Variants in DNAH1 observed in about 807,000 individuals in gnomAD.
DNAH1 encodes the protein axonemal beta dynein heavy chain 1.
In DNAH1, 327 loss-of-function variants were observed where a neutral mutation model predicts 484.3. The observed-to-expected ratio is 0.68, with a 90% CI of 0.62 to 0.74. The LOEUF (loss-of-function observed/expected upper bound fraction) is 0.74. Among genes scored for constraint, DNAH1 ranks in the 30% least tolerant of loss-of-function variants. The probability of loss-of-function intolerance (pLI) is 0.00; values close to 1 mark genes in which losing one functional copy is unlikely to be tolerated. For missense variants in DNAH1, 5,052 were observed against 5,546.8 expected (o/e 0.91, Z 2.83); for synonymous variants, 2,192 against 2,191.9 (o/e 1.00, Z 0.00).
rs1702910606 is a variant in DNAH1 at position 52,362,600 on chromosome 3, A to C, written c.5094+99A>C. The stretch of plus-strand genomic sequence containing the variant: ...GCAAGGACACAGTTGCTTGGACTCC[A>C]GGGACTGTGATTCCCTATGGTAGCC... On this transcript the variant is annotated intron_variant, in intron 31 of 77. Transcript: ENST00000420323. This position sits in a 1 kb window ranked among gnomAD's most constrained non-coding sequence, Gnocchi z 5.1. 9.2e-7 allele frequency: 1 copy of C among 1,081,520 alleles called. No homozygotes were observed. Among genetic ancestry groups the C allele is most frequent in the African/African-American group, 1.6e-5 (1 of 64,186 alleles). The allele number at this position is 1,081,520 out of a possible 1,614,324, so 67.0% of individuals were successfully genotyped here. A position where few individuals can be genotyped will look rare whatever the true frequency, so the allele number is the denominator to read the frequency against.
intron 2 of DNAH1, among the ~76,000 whole-genome samples, chr3:52,323,000 A>C (rs1441664352): frequency 6.6e-6 from 1 of 152,112 alleles, no homozygotes; most frequent in Admixed American, 6.5e-5. Flanking sequence ...ACAACTCATT[A>C]CTGAGCTCCT....
At chr3:52,377,907 C>T (rs1297334756) in intron 46 of DNAH1, among the ~76,000 whole-genome samples, 4 of 152,114 alleles carry the variant, frequency 2.6e-5, no homozygotes, top group Non-Finnish European at 5.9e-5. Context: ...CACTCATTGT[C>T]GTCCTTACCA....
At chr3:52,335,569 A>G (rs1371592865) in intron 8 of DNAH1, among the ~76,000 whole-genome samples, 1 of 151,986 alleles carries the variant, frequency 6.6e-6, no homozygotes, top group Non-Finnish European at 1.5e-5. Flanking sequence ...TCGGCCTCCC[A>G]AAGTGCTGGG....
At position 52,344,581 on chromosome 3, in the gene DNAH1, T is replaced by G; in HGVS notation, c.1378T>G (p.Ser460Ala). The stretch of plus-strand genomic sequence containing the variant: ...GATCAACTTTGACCACGTTGTCTCT[T>G]CCAAGCCCGAGACCTTCTCCTACGT... The part of the protein sequence containing the change: ...NKINFDHVVS[S>A]KPETFSYVTL... The change falls in exon 9 of 78, where the codon TCC (serine) becomes GCC (alanine). Residue 460 changes from serine to alanine, a missense_variant. Physicochemically the swap from Ser to Ala is moderately conservative, Grantham distance 99. Coordinates refer to ENST00000420323, the MANE Select transcript of DNAH1 (RefSeq NM_015512.5). 6.2e-7 allele frequency: 1 copy of G among 1,613,926 alleles called. No individual in the cohort carries two copies. Among genetic ancestry groups the G allele is most frequent in the Non-Finnish European group, 8.5e-7 (1 of 1,179,842 alleles).
At chr3:52,327,345 C>T (rs928877677) in intron 5 of DNAH1, among the ~76,000 whole-genome samples, 1 of 152,122 alleles carries the variant, frequency 6.6e-6, no homozygotes, top group Non-Finnish European at 1.5e-5. Context: ...GGGAGCATGG[C>T]CTGGCTCTGG....
chr3:52,334,724 C>T (rs911295282), intron 8 of DNAH1, among the ~76,000 whole-genome samples: 2 of 152,102 alleles, frequency 1.3e-5, no homozygotes, highest in Non-Finnish European at 2.9e-5. Flanking sequence ...ACCTGGGAGG[C>T]AGAGGTTGCA....
Position 52,332,387 on chromosome 3 carries a change from G to A in DNAH1, c.1279G>A (p.Gly427Ser). 2.5e-6 allele frequency: 4 copies of A among 1,612,680 alleles called. No homozygotes were observed. Among genetic ancestry groups the A allele is most frequent in the Non-Finnish European group, 3.4e-6 (4 of 1,179,518 alleles). Residue 427 changes from glycine (G) to serine (S), a missense_variant, in exon 8 of 78, where the codon GGC becomes AGC. Transcript: ENST00000420323. ...CCTGAGCACGCCTCGGATGCGCAAA[G>A]GCCCCTCGTGAGTCCCCGCTCGGCC... ...WALSTPRMRK[G>S]PSVLEHLSSL... is the part of the protein sequence containing the mutation.
At position 52,374,432 on chromosome 3, in the gene DNAH1, A is replaced by C. The variant is rs1280648754; in HGVS notation, c.6986-808A>C. The C allele has an allele frequency of 6.0e-6, 8 of 1,330,790 alleles. No individual in the cohort carries two copies. In the African/African-American group the frequency reaches 8.7e-5, roughly 14 times the overall value. 82.4% of individuals were successfully genotyped at this position (1,330,790 alleles called of 1,614,324 possible). Reference sequence around the variant, plus strand: ...AACCAGTGGTGATGACACTTCTCAAATGCTGGCCAAAGACTCACAGTCCAA... The same window carrying C: ...AACCAGTGGTGATGACACTTCTCAACTGCTGGCCAAAGACTCACAGTCCAA... On this transcript the variant is annotated intron_variant, in intron 44 of 77. Transcript: ENST00000420323.
rs148066970 is a variant in DNAH1, at chr3:52,375,767, A to G, written c.7160-188A>G. 3.7e-3 allele frequency among the ~76,000 whole-genome samples: 569 copies of G among 152,228 alleles called. 4 individuals are homozygous for G. Among genetic ancestry groups the G allele is most frequent in the South Asian group, 0.023 (110 of 4,818 alleles). ...TAGTACTTGCCCAGAAACTCTGGGGAAGGCATGTTACTTTTGTAAATCAGG... is the reference window on the plus strand; with the variant it reads ...TAGTACTTGCCCAGAAACTCTGGGGGAGGCATGTTACTTTTGTAAATCAGG... On this transcript the variant is annotated intron_variant, in intron 45 of 77. Coordinates refer to ENST00000420323, the MANE Select transcript of DNAH1 (RefSeq NM_015512.5).
chr3:52,389,597 C>T lies in DNAH1; in HGVS notation c.9621+11C>T, dbSNP rs1236425627. On this transcript the variant is annotated intron_variant, in intron 60 of 77. Transcript: ENST00000420323. ...ATCCGATCGTGGCAGGTGCCCACCC[C>T]AGGGGCAGGAGTGCCCAGGCAGGGC... The T allele has an allele frequency of 2.1e-6, 3 of 1,457,558 alleles. No homozygotes were observed. Among genetic ancestry groups the T allele is most frequent in the African/African-American group, 1.5e-5 (1 of 67,824 alleles). The allele number at this position is 1,457,558 out of a possible 1,614,324, so 90.3% of individuals were successfully genotyped here. A position where few individuals can be genotyped will look rare whatever the true frequency, so the allele number is the denominator to read the frequency against.
chr3:52,319,065 A>C (rs192739848), intron 1 of DNAH1, among the ~76,000 whole-genome samples: 1 of 152,056 alleles, frequency 6.6e-6, no homozygotes, highest in Non-Finnish European at 1.5e-5. Context: ...AGAAGTGAAG[A>C]CCTCAGTTTC....
chr3:52,395,400 C>T lies in DNAH1; in HGVS notation c.11061C>T (p.Leu3687=). ...LSPGTDPAAD[L]YKFAEEMKFS... ...CCGGCACAGACCCTGCTGCCGACCTCTACAAGTTTGCCGAAGAAATGAAGT... is the reference window on the plus strand; with the variant it reads ...CCGGCACAGACCCTGCTGCCGACCTTTACAAGTTTGCCGAAGAAATGAAGT... The change falls in exon 69 of 78, where the codon CTC becomes CTT. Residue 3687 remains leucine, a synonymous_variant. Coordinates refer to ENST00000420323, the MANE Select transcript of DNAH1 (RefSeq NM_015512.5). This position sits in a 1 kb window ranked among gnomAD's most constrained non-coding sequence, Gnocchi z 4.4. 6.2e-7 allele frequency: 1 copy of T among 1,613,940 alleles called. No individual in the cohort carries two copies. Among genetic ancestry groups the T allele is most frequent in the Non-Finnish European group, 8.5e-7 (1 of 1,179,896 alleles).
rs550276381 is a variant in DNAH1 at position 52,372,827 on chromosome 3, C to G, written c.6828-69C>G. 1.8e-5 allele frequency: 28 copies of G among 1,537,322 alleles called. No individual in the cohort carries two copies. The African/African-American group carries it at 2.3e-4, about 13-fold the overall frequency. On this transcript the variant is annotated intron_variant, in intron 43 of 77. Coordinates refer to ENST00000420323, the MANE Select transcript of DNAH1 (RefSeq NM_015512.5). ...GCTTCCCAGAGGCAAAGCTGCCACCCGTTCGCCCCTGGATTCTCAGAGGAC... is the reference window on the plus strand; with the variant it reads ...GCTTCCCAGAGGCAAAGCTGCCACCGGTTCGCCCCTGGATTCTCAGAGGAC...
chr3:52,352,016 G>A lies in DNAH1; in HGVS notation c.2784G>A (p.Gln928=), dbSNP rs1040632981. 8.1e-6 allele frequency: 13 copies of A among 1,599,654 alleles called. No homozygotes were observed. Among genetic ancestry groups the A allele is most frequent in the South Asian group, 1.1e-5 (1 of 88,042 alleles). Residue 928 remains glutamine, a synonymous_variant, in exon 17 of 78, where the codon CAG becomes CAA. Coordinates refer to ENST00000420323, the MANE Select transcript of DNAH1 (RefSeq NM_015512.5). ...SKILGQIELV[Q]QQHVEDEEKF... ...TCCTTGGGCAGATAGAGCTGGTGCAGCAGCAGCATGTGGAGGATGAGGAGA... is the reference window on the plus strand; with the variant it reads ...TCCTTGGGCAGATAGAGCTGGTGCAACAGCAGCATGTGGAGGATGAGGAGA...
chr3:52,379,813 G>A lies in DNAH1; in HGVS notation c.7378-92G>A, dbSNP rs574915283. ...AGCCAGGCTCCAGTCAGGGCCCCAG[G>A]AACTGGGGCCCACCCTCCCTTGCCT... is the stretch of plus-strand genomic sequence containing the variant. On this transcript the variant is annotated intron_variant, in intron 47 of 77. Coordinates refer to ENST00000420323, the MANE Select transcript of DNAH1 (RefSeq NM_015512.5). This position sits in a 1 kb window ranked among gnomAD's most constrained non-coding sequence, Gnocchi z 4.4. 6.9e-6 allele frequency: 8 copies of A among 1,151,218 alleles called. No homozygotes were observed. The highest frequency in any genetic ancestry group is 1.6e-5 in the South Asian group (1 of 63,120). 71.3% of individuals were successfully genotyped at this position (1,151,218 alleles called of 1,614,324 possible).
In DNAH1 at chr3:52,398,156, T is replaced by A. The variant is rs1460497944; in HGVS notation, c.12083T>A (p.Val4028Asp). ...ATGAACACAGTACTAGTACAAGAGG[T>A]CATTAGGTAATCACCCCGCCATACC... ...ESMNTVLVQE[V>D]IRYNRLLQVI... Residue 4028 changes from valine (V) to aspartate (D), a missense_variant, in exon 75 of 78, where the codon GTC becomes GAC. Physicochemically the swap from Val to Asp is radical, Grantham distance 152. Around this residue, in one of 4 missense-constraint regions of DNAH1, gnomAD observed 853 missense variants for 899.0 expected, o/e 0.95. Coordinates refer to ENST00000420323, the MANE Select transcript of DNAH1 (RefSeq NM_015512.5). 1 of 1,596,770 alleles carries A rather than the reference T, an allele frequency of 6.3e-7. No homozygotes were observed. Among genetic ancestry groups the A allele is most frequent in the South Asian group, 1.1e-5 (1 of 88,396 alleles).
At chr3:52,312,340 A>C (rs972214025), upstream of DNAH1, among the ~76,000 whole-genome samples, 1 of 152,030 alleles carries the variant, frequency 6.6e-6, no homozygotes, top group Admixed American at 6.6e-5. Context: ...TCAGGGCCGC[A>C]TCTGTTGGAC....
At chr3:52,372,514 C>T in intron 43 of DNAH1, 127 bp downstream of exon 43, 2 of 1,298,250 alleles carry the variant, frequency 1.5e-6, no homozygotes, top group South Asian at 1.4e-5. Context: ...GAGCTGACAG[C>T]CCCCCAATGG....
intron 7 of DNAH1, among the ~76,000 whole-genome samples, chr3:52,331,623 T>C (rs1311546173): frequency 9.7e-6 from 1 of 103,024 alleles, no homozygotes; most frequent in African/African-American, 5.1e-5. Flanking sequence ...ACTTTTCTTT[T>C]TTTTTTTTTT....
Sources: allele counts gnomAD v4.1 joint callset (sites outside exome capture counted in the v4.1 genomes callset), GRCh38; gene constraint gnomAD v4.1.1; regional missense constraint gnomAD v4.1.1; non-coding constraint Gnocchi (gnomAD v3.1); transcripts MANE v1.5; gene names NCBI Gene and HGNC (gene_info 2026-07-23, HGNC 2026-07-21).